Variants in ACYP2 observed in about 807,000 individuals in gnomAD.
The protein encoded by ACYP2 is acylphosphatase 2.
In ACYP2, 12 loss-of-function variants were observed where a neutral mutation model predicts 11.2. The ratio of observed to expected loss-of-function variants is 1.08; its 90% confidence interval spans 0.69 to 1.74. The LOEUF is 1.74. Ranked by LOEUF, ACYP2 falls within the 40% of genes most tolerant of loss-of-function variation. The pLI is 0.00. For synonymous variants in ACYP2, 43 were observed against 32.2 expected, an observed-to-expected ratio of 1.33 and a Z score of -1.13; for missense variants, 134 against 101.9, an observed-to-expected ratio of 1.31 and a Z score of -1.35.
chr2:54,223,180 AG>A (rs1218771307), intron 6 of ACYP2: 6 of 152,220 alleles, frequency 3.9e-5, no homozygotes, highest in African/African-American at 1.4e-4. Flanking sequence ...TCAGTCAGAC[AG>A]CCCCCATTTA....
At chr2:54,255,318 G>T (rs756709256) in intron 6 of ACYP2, 1 of 1,614,104 alleles carries the variant, frequency 6.2e-7, no homozygotes, top group East Asian at 2.2e-5. Flanking sequence ...CTTCCAAATT[G>T]GTTAAGTAGC....
intron 6 of ACYP2, among the ~76,000 whole-genome samples, chr2:54,216,573 T>C (rs969636961): frequency 2.0e-5 from 3 of 151,390 alleles, no homozygotes; most frequent in Non-Finnish European, 2.9e-5. Context: ...AGTATCGCTA[T>C]GTCACCTAGG....
intron 4 of ACYP2, among the ~76,000 whole-genome samples, chr2:54,083,067 CT>C (rs1195368618): frequency 7.0e-6 from 1 of 143,380 alleles, no homozygotes; most frequent in African/African-American, 2.8e-5. Flanking sequence ...GAGTGAGACT[CT>C]GTCTCAAAAA....
At chr2:54,168,035 A>T (rs1683069917) in intron 6 of ACYP2, among the ~76,000 whole-genome samples, 1 of 152,156 alleles carries the variant, frequency 6.6e-6, no homozygotes, top group African/African-American at 2.4e-5. Context: ...ATTTTTTATA[A>T]AAATTGCTTC....
intron 6 of ACYP2, among the ~76,000 whole-genome samples, chr2:54,195,258 G>A (rs1684413429): frequency 6.6e-6 from 1 of 152,102 alleles, no homozygotes; most frequent in Non-Finnish European, 1.5e-5. Flanking sequence ...AATTTACCTA[G>A]CTTCATGGAC....
At chr2:54,261,296 T>G (rs928725022) in intron 6 of ACYP2, among the ~76,000 whole-genome samples, 1 of 151,412 alleles carries the variant, frequency 6.6e-6, no homozygotes, top group East Asian at 1.9e-4. Flanking sequence ...GGCTATAATT[T>G]TTTTTTCCTA....
At chr2:53,994,996 G>A (rs917310528) in intron 2 of ACYP2, among the ~76,000 whole-genome samples, 8 of 152,116 alleles carry the variant, frequency 5.3e-5, no homozygotes, top group African/African-American at 1.7e-4. Flanking sequence ...TTTCAACACC[G>A]CTATGACAAG....
chr2:54,042,085 A>G (rs1675263645), intron 2 of ACYP2, among the ~76,000 whole-genome samples: 1 of 147,696 alleles, frequency 6.8e-6, no homozygotes, highest in South Asian at 2.1e-4. Context: ...TTGGCTCACC[A>G]CAACCTCCGC....
intron 6 of ACYP2, among the ~76,000 whole-genome samples, chr2:54,172,012 A>G (rs1683240432): frequency 6.6e-6 from 1 of 152,118 alleles, no homozygotes; most frequent in Admixed American, 6.6e-5. Context: ...CTAGCAGTGC[A>G]AGATCAGCCT....
chr2:53,975,430 C>A, intron 2 of ACYP2: 1 of 392,954 alleles, frequency 2.5e-6, no homozygotes, highest in South Asian at 1.4e-4. Flanking sequence ...GGGAGCTGGT[C>A]TGCTCATTAG....
chr2:54,048,912 G>T (rs1420878856), intron 2 of ACYP2, among the ~76,000 whole-genome samples: 1 of 152,184 alleles, frequency 6.6e-6, no homozygotes, highest in Non-Finnish European at 1.5e-5. Flanking sequence ...GGAAGCAACA[G>T]CAGGGACAAG....
At chr2:54,115,863 G>T in intron 4 of ACYP2, 107 bp downstream of exon 1, 1 of 1,335,064 alleles carries the variant, frequency 7.5e-7, no homozygotes, top group Non-Finnish European at 9.9e-7. Flanking sequence ...GTTGTGGCTG[G>T]GACTTCCGCT....
At chr2:53,995,118 T>C (rs1672508628) in intron 2 of ACYP2, among the ~76,000 whole-genome samples, 1 of 152,258 alleles carries the variant, frequency 6.6e-6, no homozygotes, top group Non-Finnish European at 1.5e-5. Flanking sequence ...GTGCATGTTC[T>C]GTCTCTCATA....
At chr2:54,045,662 A>T (rs768942180) in intron 2 of ACYP2, among the ~76,000 whole-genome samples, 1 of 151,930 alleles carries the variant, frequency 6.6e-6, no homozygotes, top group Non-Finnish European at 1.5e-5. Context: ...TAAAAACACA[A>T]AAAATTAGCT....
chr2:54,025,128 C>T (rs972723106), intron 2 of ACYP2, among the ~76,000 whole-genome samples: 66 of 152,284 alleles, frequency 4.3e-4, no homozygotes, highest in Admixed American at 3.6e-3. Context: ...ATCCCATGCT[C>T]CTGGATGGGT....
In ACYP2 at chr2:54,115,775, G is replaced by A. The variant is rs1679733609; in HGVS notation, c.278-19678G>A. The A allele has an allele frequency of 1.3e-6, 2 of 1,586,850 alleles. No homozygotes were observed. The highest frequency in any genetic ancestry group is 1.4e-5 in the African/African-American group (1 of 72,364). On this transcript the variant is annotated intron_variant, in intron 4 of 6. Coordinates refer to ENST00000607452, the MANE Select transcript of ACYP2 (RefSeq NM_001320586.2). ...GTGCAGGGTAGGAGGCCCCTCTACG[G>A]TGGGAGATCAAAAAGGTTATGGGAG...
chr2:54,016,047 C>G (rs892896168), intron 2 of ACYP2, among the ~76,000 whole-genome samples: 1 of 152,070 alleles, frequency 6.6e-6, no homozygotes, highest in Non-Finnish European at 1.5e-5. Context: ...GTAAGATGGA[C>G]CTTACCTACT....
At chr2:54,137,730 C>T (rs1681339589) in intron 5 of ACYP2, among the ~76,000 whole-genome samples, 1 of 152,138 alleles carries the variant, frequency 6.6e-6, no homozygotes, top group Admixed American at 6.5e-5. Flanking sequence ...GTGAATACTG[C>T]TGTAGTGAAC....
At chr2:54,079,502 G>A (rs1221257572) in intron 4 of ACYP2, among the ~76,000 whole-genome samples, 1 of 152,196 alleles carries the variant, frequency 6.6e-6, no homozygotes, top group Non-Finnish European at 1.5e-5. Context: ...ACACAGTACA[G>A]ATGAAAGCTT....
Sources: allele counts gnomAD v4.1 joint callset (sites outside exome capture counted in the v4.1 genomes callset), GRCh38; gene constraint gnomAD v4.1.1; transcripts MANE v1.5; gene names NCBI Gene and HGNC (gene_info 2026-07-23, HGNC 2026-07-21).